Variants in SAV1 observed in about 807,000 individuals in gnomAD.
The protein encoded by SAV1 is salvador family WW domain containing protein 1, also known as protein salvador homolog 1.
Under a neutral mutation model 47.3 loss-of-function variants are expected in SAV1, and 23 were observed. The ratio of observed to expected loss-of-function variants is 0.49; its 90% confidence interval spans 0.35 to 0.69. The LOEUF is 0.69. Ranked by LOEUF, SAV1 falls within the 30% of genes least tolerant of loss-of-function variation. The pLI, the probability that SAV1 is intolerant of heterozygous loss-of-function variation, is 0.01. For synonymous variants in SAV1, 155 were observed against 159.2 expected (o/e 0.97, Z 0.20); for missense variants, 448 against 457.4 (o/e 0.98, Z 0.19).
intron 2 of SAV1, chr14:50,664,940 C>G: frequency 2.4e-6 from 1 of 409,112 alleles, no homozygotes; most frequent in Non-Finnish European, 4.1e-6. Context: ...GTCTAGACAG[C>G]CTTGAGATAA....
rs113246327 is a variant in SAV1, at chr14:50,642,485, G to A, written c.807-1592C>T. On this transcript the variant is annotated intron_variant, in intron 3 of 4. Transcript: ENST00000324679. Reference sequence around the variant, plus strand: ...GCCTTGGCAACAAAAGTGAAACTCCGTCTCAGAAAAAAAAAAAAAAAGAAA... The same window carrying A: ...GCCTTGGCAACAAAAGTGAAACTCCATCTCAGAAAAAAAAAAAAAAAGAAA... Among the ~76,000 whole-genome samples the A allele has an allele frequency of 8.2e-3, 1,186 of 144,014 alleles. 9 individuals are homozygous for A. The highest frequency in any genetic ancestry group is 0.029 in the African/African-American group (1,114 of 37,980). 94.5% of individuals were successfully genotyped at this position (144,014 alleles called of 152,430 possible).
chr14:50,647,537 G>A (rs1027563661), intron 2 of SAV1, among the ~76,000 whole-genome samples: 6 of 151,890 alleles, frequency 4.0e-5, no homozygotes, highest in African/African-American at 1.2e-4. Flanking sequence ...ACGGCACTCC[G>A]GTCTGTGCAA....
At chr14:50,646,257 C>G (rs1035451797) in intron 2 of SAV1, among the ~76,000 whole-genome samples, 2 of 152,156 alleles carry the variant, frequency 1.3e-5, no homozygotes, top group African/African-American at 4.8e-5. Flanking sequence ...ATAATAAAAA[C>G]TGGGTGAATG....
At position 50,640,800 on chromosome 14, in the gene SAV1, A is replaced by G; in HGVS notation, c.900T>C (p.His300=). ...QSLLVPANPY[H]TAEIPDWLQV... is the part of the protein sequence containing the mutation. ...GAAGCCAGTCAGGAATTTCTGCAGT[A>G]TGATATGGATTTGCAGGTACCAGAA... Residue 300 remains histidine (H), a synonymous_variant, in exon 4 of 5, where the codon CAT becomes CAC. Coordinates refer to ENST00000324679, the MANE Select transcript of SAV1 (RefSeq NM_021818.4). The G allele has an allele frequency of 6.2e-7, 1 of 1,613,970 alleles. No individual in the cohort carries two copies. Among genetic ancestry groups the G allele is most frequent in the East Asian group, 2.2e-5 (1 of 44,872 alleles).
chr14:50,642,846 T>G (rs1005050497), intron 3 of SAV1, among the ~76,000 whole-genome samples: 1 of 152,232 alleles, frequency 6.6e-6, no homozygotes, highest in African/African-American at 2.4e-5. Flanking sequence ...AAATGTTCTT[T>G]GATAGTACAA....
At chr14:50,647,356 TG>T (rs2039730932) in intron 2 of SAV1, among the ~76,000 whole-genome samples, 1 of 152,126 alleles carries the variant, frequency 6.6e-6, no homozygotes, top group African/African-American at 2.4e-5. Context: ...CAAAGAACTC[TG>T]ACCTAGAATA....
chr14:50,636,251 A>G (rs2039633943), intron 4 of SAV1, among the ~76,000 whole-genome samples: 1 of 152,146 alleles, frequency 6.6e-6, no homozygotes, highest in African/African-American at 2.4e-5. Context: ...TGTGCTTGCA[A>G]ATGATAATGC....
At chr14:50,666,583 T>C (rs2039902968) in intron 1 of SAV1, among the ~76,000 whole-genome samples, 1 of 152,182 alleles carries the variant, frequency 6.6e-6, no homozygotes, top group Non-Finnish European at 1.5e-5. Context: ...CAAAAGTTAT[T>C]TGCTTAACTG....
intron 1 of SAV1, among the ~76,000 whole-genome samples, chr14:50,666,885 A>C (rs1350978752): frequency 6.6e-6 from 1 of 152,226 alleles, no homozygotes; most frequent in African/African-American, 2.4e-5. Context: ...TAAATCTGGA[A>C]GGCTGACAAT....
chr14:50,667,819 C>A, intron 1 of SAV1, 55 bp downstream of exon 1: 1 of 1,485,226 alleles, frequency 6.7e-7, no homozygotes, highest in Non-Finnish European at 9.3e-7. Context: ...CGCCAGGGTC[C>A]CCGGAGCACC....
rs528697070 is a variant in SAV1 at position 50,656,684 on chromosome 14, C to T, written c.535+8495G>A. Among the ~76,000 whole-genome samples the T allele has an allele frequency of 4.0e-3, 611 of 152,160 alleles. 3 individuals carry two copies. Among genetic ancestry groups the T allele is most frequent in the Non-Finnish European group, 6.3e-3 (430 of 68,002 alleles). On this transcript the variant is annotated intron_variant, in intron 2 of 4. Coordinates refer to ENST00000324679, the MANE Select transcript of SAV1 (RefSeq NM_021818.4). ...GTCTCGATCTCCTGACCTCATGATC[C>T]GCCCGTCTCAGCCTCCCAAAGTGCT...
At chr14:50,648,439 C>T (rs3015494) in intron 2 of SAV1, among the ~76,000 whole-genome samples, 113,544 of 152,112 alleles carry the variant, frequency 0.75, 42,543 homozygotes, top group East Asian at 0.82. Flanking sequence ...ATTTACTATA[C>T]TTTTTAAAAG....
chr14:50,662,157 T>C (rs1203182611), intron 2 of SAV1, among the ~76,000 whole-genome samples: 6 of 101,130 alleles, frequency 5.9e-5, no homozygotes, highest in East Asian at 3.9e-4. Flanking sequence ...TTTTGAAATC[T>C]TGTTATTTAT....
At chr14:50,654,769 G>A (rs2039798649) in intron 2 of SAV1, among the ~76,000 whole-genome samples, 1 of 152,142 alleles carries the variant, frequency 6.6e-6, no homozygotes. Context: ...TAGATAAAAG[G>A]CTTATGGAGA....
Position 50,644,826 on chromosome 14 carries a change from G to A in SAV1, c.724C>T (p.Arg242Ter), listed in dbSNP as rs1206096807. The A allele has an allele frequency of 6.2e-7, 1 of 1,614,036 alleles. No homozygotes were observed. The highest frequency in any genetic ancestry group is 8.5e-7 in the Non-Finnish European group (1 of 1,179,964). ...EREGLPPGWE[R>*]VESSEFGTYY... The stretch of plus-strand genomic sequence containing the variant: ...GTTCCAAATTCGGATGACTCAACTC[G>A]TTCCCATCCAGGAGGAAGTCCTTCT... Residue 242 changes from arginine to a stop codon, truncating the protein, a stop_gained, in exon 3 of 5, where the codon CGA becomes TGA. Transcript: ENST00000324679. LOFTEE classifies it high-confidence loss of function.
chr14:50,636,929 G>A (rs764766176), intron 4 of SAV1, among the ~76,000 whole-genome samples: 5 of 152,040 alleles, frequency 3.3e-5, no homozygotes, highest in African/African-American at 7.2e-5. Flanking sequence ...TTTAATGATC[G>A]TTTATAGTAT....
Position 50,644,908 on chromosome 14 carries a change from T to G in SAV1, c.642A>C (p.Arg214Ser). The G allele has an allele frequency of 6.2e-7, 1 of 1,614,070 alleles. No individual in the cohort carries two copies. Among genetic ancestry groups the G allele is most frequent in the Non-Finnish European group, 8.5e-7 (1 of 1,180,004 alleles). Reference sequence around the variant, plus strand: ...TTGTGTTATGATCTATATAATATTTTCTCCCTCTCATTGTCCAGTCCACAG... The same window carrying G: ...TTGTGTTATGATCTATATAATATTTGCTCCCTCTCATTGTCCAGTCCACAG... ...GWSVDWTMRG[R>S]KYYIDHNTNT... The change falls in exon 3 of 5, where the codon AGA becomes AGC. Residue 214 changes from arginine (R) to serine (S), a missense_variant. Arg to Ser is a moderately radical substitution (Grantham distance 110, BLOSUM62 -1). Transcript: ENST00000324679.
chr14:50,665,502 T>C lies in SAV1; in HGVS notation c.212A>G (p.Gln71Arg), dbSNP rs1278544314. Residue 71 changes from glutamine to arginine, a missense_variant, in exon 2 of 5, where the codon CAG becomes CGG. Transcript: ENST00000324679. The part of the protein sequence containing the change: ...STSGDVVSRN[Q>R]SFLRTPIQRT... Reference sequence around the variant, plus strand: ...TTGAATTGGAGTTCTAAGGAAACTCTGGTTTCTTGAAACTACATCTCCAGA... The same window carrying C: ...TTGAATTGGAGTTCTAAGGAAACTCCGGTTTCTTGAAACTACATCTCCAGA... The C allele has an allele frequency of 3.1e-6, 5 of 1,613,970 alleles. No homozygotes were observed. In the East Asian group the frequency reaches 1.1e-4, roughly 36 times the overall value.
chr14:50,654,001 C>A (rs2039791955), intron 2 of SAV1, among the ~76,000 whole-genome samples: 6 of 152,068 alleles, frequency 3.9e-5, no homozygotes, highest in Admixed American at 3.9e-4. Flanking sequence ...ATTATCTGAG[C>A]CTTTAGTGAG....
Sources: allele counts gnomAD v4.1 joint callset (sites outside exome capture counted in the v4.1 genomes callset), GRCh38; gene constraint gnomAD v4.1.1; transcripts MANE v1.5; gene names NCBI Gene and HGNC (gene_info 2026-07-23, HGNC 2026-07-21).